EYS: variants seen among roughly 807,000 people sequenced by gnomAD.
EYS encodes the protein EGF-like photoreceptor maintenance factor.
In EYS, 250 loss-of-function variants were observed where a neutral mutation model predicts 282.1. The observed-to-expected ratio is 0.89, with a 90% confidence interval of 0.80 to 0.98. The LOEUF is 0.98. Ranked by LOEUF, EYS falls within the 50% of genes least tolerant of loss-of-function variation. The probability of loss-of-function intolerance (pLI) is 0.00; values close to 1 mark genes in which losing one functional copy is unlikely to be tolerated. For synonymous variants in EYS, 1,355 were observed against 1,282.9 expected (o/e 1.06, Z -1.20); for missense variants, 4,016 against 3,709.0 (o/e 1.08, Z -2.15).
At chr6:63,759,686 T>A (rs980002339) in intron 41 of EYS, among the ~76,000 whole-genome samples, 3 of 152,134 alleles carry the variant, frequency 2.0e-5, no homozygotes, top group African/African-American at 7.2e-5. Flanking sequence ...AAAGCTTATT[T>A]TTTTCCTATG....
intron 26 of EYS, among the ~76,000 whole-genome samples, chr6:64,507,796 G>T (rs1342879608): frequency 6.6e-6 from 1 of 152,108 alleles, no homozygotes; most frequent in Non-Finnish European, 1.5e-5. Flanking sequence ...ATTCTCTTAG[G>T]GTTTGGCTTC....
intron 12 of EYS, among the ~76,000 whole-genome samples, chr6:65,196,554 T>G (rs1765770664): frequency 6.6e-6 from 1 of 152,102 alleles, no homozygotes; most frequent in South Asian, 2.1e-4. Flanking sequence ...TACCAAGCAT[T>G]ATTAAGCCCT....
At chr6:63,901,471 T>G (rs1773657632) in intron 35 of EYS, among the ~76,000 whole-genome samples, 1 of 152,180 alleles carries the variant, frequency 6.6e-6, no homozygotes, top group East Asian at 1.9e-4. Context: ...AAAAAGTGGC[T>G]AAAAACTTTT....
At chr6:65,677,364 G>A (rs897895688) in intron 1 of EYS, among the ~76,000 whole-genome samples, 7 of 151,714 alleles carry the variant, frequency 4.6e-5, no homozygotes, top group South Asian at 2.1e-4. Context: ...AAATGAATTC[G>A]GAAAATTTCC....
intron 5 of EYS, among the ~76,000 whole-genome samples, chr6:65,481,926 A>G (rs573771556): frequency 9.9e-5 from 15 of 152,260 alleles, no homozygotes; most frequent in South Asian, 4.1e-4. Context: ...TGTTTTGCCA[A>G]TAAATCTATG....
At chr6:65,678,669 A>G (rs531631847) in intron 1 of EYS, among the ~76,000 whole-genome samples, 1 of 152,042 alleles carries the variant, frequency 6.6e-6, no homozygotes, top group Non-Finnish European at 1.5e-5. Flanking sequence ...TAAAAAGGCA[A>G]CCTGTAGAAT....
intron 30 of EYS, among the ~76,000 whole-genome samples, chr6:64,283,693 C>T (rs948689200): frequency 1.3e-5 from 2 of 152,108 alleles, no homozygotes; most frequent in African/African-American, 4.8e-5. Context: ...CTGATAAAGA[C>T]ATATCTGAGA....
At position 65,669,089 on chromosome 6, in the gene EYS, C is replaced by T. The variant is rs192066672; in HGVS notation, c.-447-29197G>A. ...TATGGTTATGATGTTATCTAAAGTA[C>T]ATTTATTATGAATTTCTTGGTATAT... is the stretch of plus-strand genomic sequence containing the variant. On this transcript the variant is annotated intron_variant, in intron 1 of 42. Transcript: ENST00000503581. Among the ~76,000 whole-genome samples the T allele has an allele frequency of 2.6e-5, 4 of 152,004 alleles. No individual in the cohort carries two copies. In the East Asian group the frequency reaches 5.8e-4, roughly 22 times the overall value.
intron 12 of EYS, among the ~76,000 whole-genome samples, chr6:65,290,851 T>G (rs1768505384): frequency 6.6e-6 from 1 of 151,392 alleles, no homozygotes. Flanking sequence ...TTAGAAATGA[T>G]ATCATCTTAT....
intron 11 of EYS, among the ~76,000 whole-genome samples, chr6:65,320,164 C>T (rs1165410509): frequency 6.6e-6 from 1 of 151,866 alleles, no homozygotes; most frequent in Non-Finnish European, 1.5e-5. Context: ...AAAAAACACA[C>T]ACACACACAA....
chr6:64,027,910 A>C (rs923808962), intron 33 of EYS, among the ~76,000 whole-genome samples: 1 of 152,186 alleles, frequency 6.6e-6, no homozygotes, highest in Non-Finnish European at 1.5e-5. Context: ...TTCCTCCTGG[A>C]CACTGGCACA....
chr6:63,992,302 T>C (rs908456851), intron 34 of EYS, among the ~76,000 whole-genome samples: 3 of 151,878 alleles, frequency 2.0e-5, no homozygotes, highest in African/African-American at 7.2e-5. Flanking sequence ...GTTTTTATTC[T>C]GAAATATTTT....
intron 2 of EYS, among the ~76,000 whole-genome samples, chr6:65,612,269 A>G (rs1057404199): frequency 6.6e-6 from 1 of 151,126 alleles, no homozygotes; most frequent in Admixed American, 6.6e-5. Flanking sequence ...ATGACATATA[A>G]TCCTGGGTAT....
chr6:63,939,958 T>A (rs1765183519), intron 35 of EYS, among the ~76,000 whole-genome samples: 1 of 152,228 alleles, frequency 6.6e-6, no homozygotes, highest in African/African-American at 2.4e-5. Flanking sequence ...GTAATAATTC[T>A]GTAGCCACCT....
At chr6:64,055,447 T>G (rs1268696045) in intron 33 of EYS, among the ~76,000 whole-genome samples, 1 of 152,122 alleles carries the variant, frequency 6.6e-6, no homozygotes, top group Non-Finnish European at 1.5e-5. Context: ...AAAAGAAACA[T>G]GTAAGATCCT....
intron 22 of EYS, among the ~76,000 whole-genome samples, chr6:64,659,095 T>G (rs1157056453): frequency 6.6e-6 from 1 of 151,742 alleles, no homozygotes; most frequent in Non-Finnish European, 1.5e-5. Flanking sequence ...TCAAAACCGC[T>G]CAACTACATG....
intron 8 of EYS, among the ~76,000 whole-genome samples, chr6:65,383,967 C>T (rs1342229556): frequency 1.3e-5 from 2 of 151,710 alleles, no homozygotes; most frequent in Non-Finnish European, 2.9e-5. Context: ...TATCCCTTAC[C>T]ATGTGTAGTA....
intron 2 of EYS, among the ~76,000 whole-genome samples, chr6:65,517,347 A>AAAT (rs1554205544): frequency 6.6e-6 from 1 of 151,634 alleles, no homozygotes; most frequent in African/African-American, 2.4e-5. Context: ...ACAACAAAAA[A>AAAT]AAAACAAAAG....
At chr6:64,698,931 C>T (rs1253511551) in intron 22 of EYS, among the ~76,000 whole-genome samples, 6 of 152,086 alleles carry the variant, frequency 3.9e-5, no homozygotes, top group Non-Finnish European at 1.5e-5. Flanking sequence ...CCTCAAAGAG[C>T]TAAAAGCAGA....
Sources: gnomAD v4.1 joint callset for allele counts (sites outside exome capture counted in the v4.1 genomes callset) on GRCh38, gnomAD v4.1.1 for gene constraint, MANE v1.5 for transcripts, NCBI Gene and HGNC (gene_info 2026-07-23, HGNC 2026-07-21) for gene names.